Variants in SLC23A2 observed in about 807,000 individuals in gnomAD.
SLC23A2 encodes solute carrier family 23 member 2, also known as Na(+)/L-ascorbic acid transporter 2.
SLC23A2 carries 36 observed loss-of-function variants against 73.3 expected under a neutral mutation model. The ratio of observed to expected loss-of-function variants is 0.49; its 90% CI spans 0.38 to 0.65. SLC23A2 has a LOEUF of 0.65. Among genes scored for constraint, SLC23A2 ranks in the 30% least tolerant of loss-of-function variants. SLC23A2 has a pLI of 0.00. For synonymous variants in SLC23A2, 343 were observed against 327.3 expected (o/e 1.05, Z -0.52); for missense variants, 507 against 841.6 (o/e 0.60, Z 4.92).
chr20:4,893,955 T>C (rs1052445429), intron 6 of SLC23A2, among the ~76,000 whole-genome samples: 21 of 151,866 alleles, frequency 1.4e-4, no homozygotes, highest in African/African-American at 4.6e-4. Context: ...TGGAGGGCCC[T>C]AGAGACACCA....
intron 1 of SLC23A2, among the ~76,000 whole-genome samples, chr20:5,007,940 G>C (rs2088208785): frequency 6.8e-6 from 1 of 146,372 alleles, no homozygotes; most frequent in Non-Finnish European, 1.5e-5. Context: ...ACAGAGTTTT[G>C]CTCTTGTTGC....
At chr20:4,925,577 G>A (rs1932642207) in intron 3 of SLC23A2, among the ~76,000 whole-genome samples, 2 of 152,064 alleles carry the variant, frequency 1.3e-5, no homozygotes, top group South Asian at 4.1e-4. Flanking sequence ...GCTCACACCT[G>A]GACTGCGTAA....
At chr20:4,929,329 G>A (rs1307352714) in intron 3 of SLC23A2, among the ~76,000 whole-genome samples, 1 of 151,958 alleles carries the variant, frequency 6.6e-6, no homozygotes, top group Non-Finnish European at 1.5e-5. Context: ...CTGACACTGG[G>A]ACCTGCTGGG....
intron 1 of SLC23A2, among the ~76,000 whole-genome samples, chr20:4,981,420 T>C (rs934390120): frequency 1.3e-5 from 2 of 152,204 alleles, no homozygotes; most frequent in African/African-American, 4.8e-5. Flanking sequence ...AGTTTATTTA[T>C]AGCAATGGTG....
intron 2 of SLC23A2, among the ~76,000 whole-genome samples, chr20:4,941,239 G>A (rs543007700): frequency 2.6e-5 from 4 of 151,942 alleles, no homozygotes; most frequent in African/African-American, 4.8e-5. Context: ...TTAACAATAC[G>A]TCGGTCAGGC....
At chr20:4,910,773 T>G (rs2090403237) in intron 4 of SLC23A2, among the ~76,000 whole-genome samples, 1 of 152,196 alleles carries the variant, frequency 6.6e-6, no homozygotes, top group African/African-American at 2.4e-5. Flanking sequence ...CTCTTCTCAC[T>G]GCCCTCCTCA....
chr20:4,867,672 C>T (rs1930260200), intron 13 of SLC23A2, 98 bp downstream of exon 13: 1 of 489,172 alleles, frequency 2.0e-6, no homozygotes, highest in Non-Finnish European at 3.6e-6. Flanking sequence ...TTTTTAGAAC[C>T]AGAGGCCCGC....
At chr20:4,999,586 T>A (rs1318893167) in intron 1 of SLC23A2, among the ~76,000 whole-genome samples, 2 of 149,050 alleles carry the variant, frequency 1.3e-5, no homozygotes, top group African/African-American at 2.5e-5. Flanking sequence ...GAAACAGGAG[T>A]CTTGCTGGGT....
chr20:4,874,138 G>C, intron 10 of SLC23A2, 46 bp from the exon 11 acceptor site: 1 of 1,581,946 alleles, frequency 6.3e-7, no homozygotes, highest in Admixed American at 1.8e-5. Flanking sequence ...AGGGCTCACA[G>C]GTGTTGGCAA....
At position 4,998,365 on chromosome 20, in the gene SLC23A2, C is replaced by T. The variant is rs1369261436; in HGVS notation, c.-282+3041G>A. On this transcript the variant is annotated intron_variant, in intron 1 of 16. Transcript: ENST00000338244. This position sits in a 1 kb window ranked among gnomAD's most constrained non-coding sequence, Gnocchi z 4.1. ...ATGTATGAAAGGCCTATGAAAGGTG[C>T]AAGCTGAAAGCAGACCTCAATTACA... is the stretch of plus-strand genomic sequence containing the variant. Among the ~76,000 whole-genome samples the T allele has an allele frequency of 6.6e-6, 1 of 152,164 alleles. No individual in the cohort carries two copies. Among genetic ancestry groups the T allele is most frequent in the African/African-American group, 2.4e-5 (1 of 41,436 alleles).
chr20:4,864,381 C>T (rs945529179), intron 13 of SLC23A2, among the ~76,000 whole-genome samples: 4 of 152,174 alleles, frequency 2.6e-5, no homozygotes, highest in Non-Finnish European at 5.9e-5. Flanking sequence ...GCATCAGAGC[C>T]TGATCTGAGG....
At position 4,932,667 on chromosome 20, in the gene SLC23A2, C is replaced by T. The variant is rs1932802508; in HGVS notation, c.-105G>A. 3 of 698,440 alleles carry T rather than the reference C, an allele frequency of 4.3e-6. No homozygotes were observed. Among genetic ancestry groups the T allele is most frequent in the East Asian group, 2.6e-5 (1 of 38,884 alleles). 43.3% of individuals were successfully genotyped at this position (698,440 alleles called of 1,614,324 possible). On this transcript the variant is annotated 5_prime_UTR_variant, in exon 3 of 17. Transcript: ENST00000338244. The stretch of plus-strand genomic sequence containing the variant: ...CAGCCGGCTCTTCTAGTGCCTGGAG[C>T]CCCCGATTCTCAAGCAGAGATGAGG...
intron 1 of SLC23A2, among the ~76,000 whole-genome samples, chr20:4,993,410 G>GAAAAA (rs3055956): frequency 4.1e-5 from 5 of 121,522 alleles, no homozygotes; most frequent in Non-Finnish European, 8.5e-5. Context: ...GCCAAAATCC[G>GAAAAA]AAAAAAAAAA....
intron 2 of SLC23A2, among the ~76,000 whole-genome samples, chr20:4,969,912 C>T (rs1310851291): frequency 1.3e-5 from 2 of 152,014 alleles, no homozygotes; most frequent in African/African-American, 4.8e-5. Context: ...TGCAGTATTG[C>T]TTATAATAGC....
Position 4,998,206 on chromosome 20 carries a change from G to A in SLC23A2, c.-282+3200C>T, listed in dbSNP as rs114279380. The stretch of plus-strand genomic sequence containing the variant: ...ACACTTAATCCCCCGAGCCTTGTCA[G>A]ATTCCTCTTCACAGAACCAGATCTC... On this transcript the variant is annotated intron_variant, in intron 1 of 16. Transcript: ENST00000338244. This position sits in a 1 kb window ranked among gnomAD's most constrained non-coding sequence, Gnocchi z 4.1. Among the ~76,000 whole-genome samples the A allele has an allele frequency of 3.9e-3, 595 of 152,252 alleles. 4 individuals carry two copies. Among genetic ancestry groups the A allele is most frequent in the African/African-American group, 0.013 (555 of 41,548 alleles).
chr20:4,984,063 T>A (rs2087779338), intron 1 of SLC23A2, among the ~76,000 whole-genome samples: 1 of 152,018 alleles, frequency 6.6e-6, no homozygotes, highest in Admixed American at 6.6e-5. Flanking sequence ...CAGAATATAT[T>A]AAGGACTCTT....
At chr20:4,961,374 GC>G (rs1207301508) in intron 2 of SLC23A2, among the ~76,000 whole-genome samples, 1 of 151,938 alleles carries the variant, frequency 6.6e-6, no homozygotes, top group Non-Finnish European at 1.5e-5. Context: ...GAGCCACCAC[GC>G]CTGGCCTATC....
intron 2 of SLC23A2, among the ~76,000 whole-genome samples, chr20:4,950,052 T>A (rs2122134713): frequency 6.6e-6 from 1 of 152,326 alleles, no homozygotes; most frequent in Non-Finnish European, 1.5e-5. Flanking sequence ...ATGCTATTTG[T>A]GTTACACAAC....
intron 6 of SLC23A2, among the ~76,000 whole-genome samples, chr20:4,890,075 C>A (rs1931271313): frequency 6.6e-6 from 1 of 152,062 alleles, no homozygotes; most frequent in Non-Finnish European, 1.5e-5. Flanking sequence ...CATGAAGATA[C>A]AAAATGTATC....
Sources: gnomAD v4.1 joint callset for allele counts (sites outside exome capture counted in the v4.1 genomes callset) on GRCh38, gnomAD v4.1.1 for gene constraint, Gnocchi (gnomAD v3.1) non-coding constraint, MANE v1.5 for transcripts, NCBI Gene and HGNC (gene_info 2026-07-23, HGNC 2026-07-21) for gene names.